Variants in MCF2L2 observed in about 807,000 individuals in gnomAD.
The protein encoded by MCF2L2 is probable guanine nucleotide exchange factor MCF2L2.
A neutral mutation model predicts 150.2 loss-of-function variants in MCF2L2; 102 were observed. That is an observed-to-expected ratio of 0.68 (90% confidence interval 0.58 to 0.80). The LOEUF is 0.80. MCF2L2 is among the 30% of genes least tolerant of loss of function. The pLI, the probability that MCF2L2 is intolerant of heterozygous loss-of-function variation, is 0.00. For synonymous variants in MCF2L2, 465 were observed against 491.3 expected (o/e 0.95, Z 0.71); for missense variants, 1,256 against 1,372.8 (o/e 0.91, Z 1.34).
chr3:183,363,589 AATTAGCCAGGCAT>A (rs1479526966), intron 3 of MCF2L2, among the ~76,000 whole-genome samples: 4 of 152,140 alleles, frequency 2.6e-5, no homozygotes, highest in Non-Finnish European at 2.9e-5. Context: ...ACAAAAAAAT[AATTAGCCAGGCAT>A]AATGGTGCAT....
intron 1 of MCF2L2, among the ~76,000 whole-genome samples, chr3:183,398,839 CTT>C (rs1370129809): frequency 1.1e-4 from 17 of 152,122 alleles, no homozygotes; most frequent in Non-Finnish European, 2.1e-4. Context: ...TCACTGTTGT[CTT>C]GAGTCACAGA....
intron 4 of MCF2L2, among the ~76,000 whole-genome samples, chr3:183,339,416 C>T (rs141085247): frequency 3.3e-5 from 5 of 152,048 alleles, no homozygotes; most frequent in Admixed American, 2.0e-4. Context: ...TTATTTTTTA[C>T]GGGTGTACAA....
chr3:183,310,868 G>C, intron 9 of MCF2L2, 47 bp downstream of exon 9: 1 of 1,308,686 alleles, frequency 7.6e-7, no homozygotes, highest in Non-Finnish European at 1.1e-6. Flanking sequence ...GAAAACCAGA[G>C]GTCCCGGTAC....
At chr3:183,297,672 T>TCC (rs1728604452) in intron 11 of MCF2L2, 1 of 58,632 alleles carries the variant, frequency 1.7e-5, no homozygotes, top group East Asian at 6.4e-4. Context: ...TCCTTCCTCT[T>TCC]TCTTTCTCTC....
chr3:183,195,023 TC>T (rs1308930972), intron 26 of MCF2L2, among the ~76,000 whole-genome samples, 198 bp downstream of exon 26: 1 of 152,134 alleles, frequency 6.6e-6, no homozygotes, highest in African/African-American at 2.4e-5. Context: ...GCTCAAGCGA[TC>T]CATCTGCCTT....
chr3:183,217,189 G>A (rs1435559353), intron 21 of MCF2L2, among the ~76,000 whole-genome samples: 1 of 150,282 alleles, frequency 6.7e-6, no homozygotes, highest in Non-Finnish European at 1.5e-5. Context: ...AGCTACTTGG[G>A]AGGTTGAGGC....
chr3:183,255,275 G>C (rs1034575130), intron 15 of MCF2L2, among the ~76,000 whole-genome samples: 5 of 152,132 alleles, frequency 3.3e-5, no homozygotes, highest in African/African-American at 7.2e-5. Flanking sequence ...TTTCTGAAAG[G>C]GTGATTAGTG....
intron 27 of MCF2L2, among the ~76,000 whole-genome samples, chr3:183,185,269 T>A (rs765112055): frequency 3.0e-4 from 45 of 152,220 alleles, no homozygotes; most frequent in Non-Finnish European, 5.7e-4. Context: ...CTAAAGGATA[T>A]CATTTTCACT....
At chr3:183,411,800 A>G (rs1330608817) in intron 1 of MCF2L2, among the ~76,000 whole-genome samples, 1 of 152,174 alleles carries the variant, frequency 6.6e-6, no homozygotes, top group African/African-American at 2.4e-5. Context: ...TATCAAGCTG[A>G]GCATCCTTGA....
intron 1 of MCF2L2, among the ~76,000 whole-genome samples, chr3:183,408,490 C>T (rs1715159968): frequency 6.6e-6 from 1 of 152,300 alleles, no homozygotes; most frequent in East Asian, 1.9e-4. Context: ...CCCTAGGGAC[C>T]TATGGCCATG....
At chr3:183,424,822 G>A (rs1716076747) in intron 1 of MCF2L2, among the ~76,000 whole-genome samples, 1 of 152,162 alleles carries the variant, frequency 6.6e-6, no homozygotes, top group Non-Finnish European at 1.5e-5. Context: ...CAGGTGGGGG[G>A]TAAAAGTGCA....
chr3:183,368,569 G>A (rs1577097690), intron 3 of MCF2L2, among the ~76,000 whole-genome samples: 1 of 152,176 alleles, frequency 6.6e-6, no homozygotes, highest in African/African-American at 2.4e-5. Flanking sequence ...TTCGAGACCA[G>A]CCTGGCCAAC....
intron 21 of MCF2L2, among the ~76,000 whole-genome samples, chr3:183,216,580 A>ATT (rs1160267005): frequency 5.2e-4 from 2 of 3,854 alleles, no homozygotes; most frequent in Admixed American, 5.9e-3. Context: ...ATATATATAT[A>ATT]TTTTTTTTTT....
chr3:183,257,482 G>A (rs910772927), intron 15 of MCF2L2, among the ~76,000 whole-genome samples: 6 of 152,266 alleles, frequency 3.9e-5, no homozygotes, highest in African/African-American at 1.2e-4. Context: ...TTAAATATAC[G>A]TATTAACCTA....
rs543016492 is a variant in MCF2L2, at chr3:183,337,028, A to G, written c.486+1772T>C. 5.4e-4 allele frequency among the ~76,000 whole-genome samples: 82 copies of G among 152,174 alleles called. 1 individual carries two copies. In the South Asian group the frequency reaches 9.5e-3, roughly 18 times the overall value. ...TTTTTCTAAAAGGAATCATAATCATACTGTTCAGTGTCTAGCTTCTTTCTC... is the reference window on the plus strand; with the variant it reads ...TTTTTCTAAAAGGAATCATAATCATGCTGTTCAGTGTCTAGCTTCTTTCTC... On this transcript the variant is annotated intron_variant, in intron 5 of 29. Coordinates refer to ENST00000328913, the MANE Select transcript of MCF2L2 (RefSeq NM_015078.4).
chr3:183,341,712 A>AGTGCTGTGGAGGCTTCAGGGT, intron 3 of MCF2L2, 82 bp from the exon 4 acceptor site: 1 of 905,090 alleles, frequency 1.1e-6, no homozygotes, highest in Non-Finnish European at 1.9e-6. Context: ...TACACCCTGA[A>AGTGCTGTGGAGGCTTCAGGGT]GCCTCCACAG....
chr3:183,397,332 C>G (rs577995133), intron 1 of MCF2L2, among the ~76,000 whole-genome samples: 1 of 152,182 alleles, frequency 6.6e-6, no homozygotes, highest in Non-Finnish European at 1.5e-5. Context: ...GCATTCTTGC[C>G]GCATCCTCAC....
In MCF2L2 at chr3:183,242,939, T is replaced by C. The variant is rs186865284; in HGVS notation, c.1863-11922A>G. On this transcript the variant is annotated intron_variant, in intron 15 of 29. Coordinates refer to ENST00000328913, the MANE Select transcript of MCF2L2 (RefSeq NM_015078.4). ...CCACCTCTTGAATCTCTATGAGACA[T>C]GGAGTCAAAGGAGATTATTTTGGAA... 3.7e-3 allele frequency among the ~76,000 whole-genome samples: 568 copies of C among 152,350 alleles called. 4 individuals carry two copies. The highest frequency in any genetic ancestry group is 0.012 in the African/African-American group (516 of 41,580).
chr3:183,289,012 GC>G, intron 14 of MCF2L2, 107 bp downstream of exon 14: 1 of 740,610 alleles, frequency 1.4e-6, no homozygotes, highest in Non-Finnish European at 2.3e-6. Context: ...TGTGCTATGT[GC>G]CTTAGGTACA....
Sources: allele counts gnomAD v4.1 joint callset (sites outside exome capture counted in the v4.1 genomes callset), GRCh38; gene constraint gnomAD v4.1.1; transcripts MANE v1.5; gene names NCBI Gene and HGNC (gene_info 2026-07-23, HGNC 2026-07-21).